The following PCDHGB2 variants were observed in gnomAD, a reference collection of about 807,000 sequenced individuals.
The protein encoded by PCDHGB2 is protocadherin gamma-B2.
Under a neutral mutation model 59.3 loss-of-function variants are expected in PCDHGB2, and 55 were observed. The observed-to-expected ratio is 0.93, with a 90% confidence interval of 0.75 to 1.16. The LOEUF (loss-of-function observed/expected upper bound fraction) is 1.16. PCDHGB2 is among the 50% of genes most tolerant of loss of function. The pLI is 0.00. For missense variants in PCDHGB2, 1,228 were observed against 1,198.5 expected, an observed-to-expected ratio of 1.02 and a Z score of -0.36; for synonymous variants, 516 against 512.0, an observed-to-expected ratio of 1.01 and a Z score of -0.11.
rs781346812 is a variant in PCDHGB2, at chr5:141,489,773, T to A, written c.2422-5034T>A. 6.2e-7 allele frequency: 1 copy of A among 1,614,102 alleles called. No individual in the cohort carries two copies. The highest frequency in any genetic ancestry group is 8.5e-7 in the Non-Finnish European group (1 of 1,179,984). ...TACACTCTAAGCCCCAACAGCCACT[T>A]CTCTCTGAATGTGAAGACCCTAAAA... is the stretch of plus-strand genomic sequence containing the variant. On this transcript the variant is annotated intron_variant, in intron 1 of 3. Transcript: ENST00000522605. The surrounding 1 kb of genome is among the most constrained non-coding windows in gnomAD (Gnocchi z 4.5).
intron 1 of PCDHGB2, chr5:141,384,690 T>C (rs368242169): frequency 4.7e-5 from 76 of 1,613,884 alleles, no homozygotes; most frequent in Non-Finnish European, 5.9e-5. Context: ...TGGACAAAGA[T>C]TCAGGCCAGA....
chr5:141,374,727 T>A (rs1169090117), intron 1 of PCDHGB2: 2 of 1,610,538 alleles, frequency 1.2e-6, no homozygotes, highest in Non-Finnish European at 1.7e-6. Flanking sequence ...CTTACTGCCA[T>A]GGATGGCGGC....
At chr5:141,415,740 G>GTTTTTTTTTTTTTTTTTTGTTTTTTTTT in intron 1 of PCDHGB2, 1 of 617,992 alleles carries the variant, frequency 1.6e-6, no homozygotes, top group Non-Finnish European at 2.1e-6. Flanking sequence ...GTTTATTAAG[G>GTTTTTTTTTTTTTTTTTTGTTTTTTTTT]TTTTTTTTTT....
In PCDHGB2 at chr5:141,454,796, A is replaced by ATTTTTTTTTTTTTTTTTTTTT. The variant is rs61612330; in HGVS notation, c.2422-40002_2422-39982dup. Reference sequence around the variant, plus strand: ...AAGGAAATAATCCTCCATGGTTCTAATTTTTTTTTTTTTTTTTTTTTTTTT... The same window carrying ATTTTTTTTTTTTTTTTTTTTT: ...AAGGAAATAATCCTCCATGGTTCTAATTTTTTTTTTTTTTTTTTTTTTTTTTTTTTTTTTTTTTTTTTTTTT... On this transcript the variant is annotated intron_variant, in intron 1 of 3. Transcript: ENST00000522605. Among the ~76,000 whole-genome samples, 10 of 77,454 alleles carry ATTTTTTTTTTTTTTTTTTTTT rather than the reference A, an allele frequency of 1.3e-4. 1 individual carries two copies. Among genetic ancestry groups the ATTTTTTTTTTTTTTTTTTTTT allele is most frequent in the Non-Finnish European group, 1.9e-4 (8 of 42,810 alleles). The allele number at this position is 77,454 out of a possible 152,430, so 50.8% of individuals were successfully genotyped here. A position where few individuals can be genotyped will look rare whatever the true frequency, so the allele number is the denominator to read the frequency against.
chr5:141,367,922 CAACTT>C (rs974333677), intron 1 of PCDHGB2: 11 of 152,168 alleles, frequency 7.2e-5, no homozygotes, highest in East Asian at 1.9e-4. Flanking sequence ...AAAAAGAACT[CAACTT>C]AAAGATGGTT....
rs1030462993 is a variant in PCDHGB2 at position 141,367,932 on chromosome 5, A to G, written c.2421+5376A>G. On this transcript the variant is annotated intron_variant, in intron 1 of 3. Coordinates refer to ENST00000522605, the MANE Select transcript of PCDHGB2 (RefSeq NM_018923.3). Reference sequence around the variant, plus strand: ...GAAAAAAAAAGAACTCAACTTAAAGATGGTTCAAAATTTTAAATTTCATAT... The same window carrying G: ...GAAAAAAAAAGAACTCAACTTAAAGGTGGTTCAAAATTTTAAATTTCATAT... 103 of 152,212 alleles carry G rather than the reference A, an allele frequency of 6.8e-4. 1 individual carries two copies. The highest frequency in any genetic ancestry group is 2.4e-3 in the African/African-American group (101 of 41,450). The allele number at this position is 152,212 out of a possible 1,614,324, so 9.4% of individuals were successfully genotyped here.
rs994324285 is a variant in PCDHGB2 at position 141,455,094 on chromosome 5, G to A, written c.2422-39713G>A. Among the ~76,000 whole-genome samples the A allele has an allele frequency of 3.3e-5, 5 of 152,104 alleles. No individual in the cohort carries two copies. In the Middle Eastern group the frequency reaches 0.014, roughly 414 times the overall value. ...CCCAAAGTGCTGGGATTACAGGCTT[G>A]AGCCACTGCGCCCGGTGGGTCTAAT... On this transcript the variant is annotated intron_variant, in intron 1 of 3. Coordinates refer to ENST00000522605, the MANE Select transcript of PCDHGB2 (RefSeq NM_018923.3).
At chr5:141,438,248 C>A (rs1370527448) in intron 1 of PCDHGB2, among the ~76,000 whole-genome samples, 1 of 151,970 alleles carries the variant, frequency 6.6e-6, no homozygotes, top group Non-Finnish European at 1.5e-5. Flanking sequence ...AAAAAACTGT[C>A]ATTGAAGAGA....
Position 141,489,267 on chromosome 5 carries a change from C to G in PCDHGB2, c.2422-5540C>G. 6.4e-7 allele frequency: 1 copy of G among 1,553,302 alleles called. No homozygotes were observed. Among genetic ancestry groups the G allele is most frequent in the Non-Finnish European group, 8.7e-7 (1 of 1,149,864 alleles). The stretch of plus-strand genomic sequence containing the variant: ...TGGGGCCCAAGACACTCCCACAGCT[C>G]GCTGGGAAATGGCAAGTGCTGTGCA... On this transcript the variant is annotated intron_variant, in intron 1 of 3. Coordinates refer to ENST00000522605, the MANE Select transcript of PCDHGB2 (RefSeq NM_018923.3). The surrounding 1 kb of genome is among the most constrained non-coding windows in gnomAD (Gnocchi z 4.5).
intron 1 of PCDHGB2, chr5:141,415,444 T>A (rs770800491): frequency 1.9e-6 from 3 of 1,614,184 alleles, no homozygotes; most frequent in Non-Finnish European, 2.5e-6. Context: ...CCTGCAGACC[T>A]ATTCCCACGA....
At position 141,489,969 on chromosome 5, in the gene PCDHGB2, A is replaced by C. The variant is rs746202385; in HGVS notation, c.2422-4838A>C. On this transcript the variant is annotated intron_variant, in intron 1 of 3. Coordinates refer to ENST00000522605, the MANE Select transcript of PCDHGB2 (RefSeq NM_018923.3). This position sits in a 1 kb window ranked among gnomAD's most constrained non-coding sequence, Gnocchi z 4.5. The stretch of plus-strand genomic sequence containing the variant: ...TCAATGATAATGCTCCAACCTTCCA[A>C]TCCTCAGTTCTACGTGTGGGAATCC... 4 of 1,614,008 alleles carry C rather than the reference A, an allele frequency of 2.5e-6. No individual in the cohort carries two copies.
In PCDHGB2 at chr5:141,408,282, C is replaced by A. The variant is rs1045626164; in HGVS notation, c.2421+45726C>A. On this transcript the variant is annotated intron_variant, in intron 1 of 3. Transcript: ENST00000522605. ...CCTTTGCTGCTGCCTTTGTTCTACC[C>A]CACCCTGAGTGAGCCGATCCGCTAC... The A allele has an allele frequency of 5.0e-6, 8 of 1,612,846 alleles. No individual in the cohort carries two copies. The African/African-American group carries it at 1.1e-4, about 22-fold the overall frequency.
At position 141,421,681 on chromosome 5, in the gene PCDHGB2, C is replaced by T. The variant is rs750692137; in HGVS notation, c.2421+59125C>T. 4 of 1,613,858 alleles carry T rather than the reference C, an allele frequency of 2.5e-6. No homozygotes were observed. In the South Asian group the frequency reaches 4.4e-5, roughly 18 times the overall value. Reference sequence around the variant, plus strand: ...CAGTGAGCACGCAATTCCTGGGGCGCGATTTGCTCTTCCTAATGCTAGGGA... The same window carrying T: ...CAGTGAGCACGCAATTCCTGGGGCGTGATTTGCTCTTCCTAATGCTAGGGA... On this transcript the variant is annotated intron_variant, in intron 1 of 3. Coordinates refer to ENST00000522605, the MANE Select transcript of PCDHGB2 (RefSeq NM_018923.3).
At chr5:141,413,086 A>T in intron 1 of PCDHGB2, 1 of 1,344,152 alleles carries the variant, frequency 7.4e-7, no homozygotes, top group Non-Finnish European at 1.0e-6. Flanking sequence ...GGCTACAGAG[A>T]CACCCTGAAG....
Position 141,477,098 on chromosome 5 carries a change from G to A in PCDHGB2, c.2422-17709G>A, listed in dbSNP as rs1562059777. 1.9e-6 allele frequency: 3 copies of A among 1,614,124 alleles called. No individual in the cohort carries two copies. The highest frequency in any genetic ancestry group is 3.3e-5 in the Admixed American group (2 of 60,008). The stretch of plus-strand genomic sequence containing the variant: ...GATTTACATCCAGGCCAAAGACAAG[G>A]GCGCCAATCCCGAAGGAGCACATTG... On this transcript the variant is annotated intron_variant, in intron 1 of 3. Coordinates refer to ENST00000522605, the MANE Select transcript of PCDHGB2 (RefSeq NM_018923.3). This position sits in a 1 kb window ranked among gnomAD's most constrained non-coding sequence, Gnocchi z 4.9.
intron 1 of PCDHGB2, chr5:141,374,245 G>C: frequency 2.5e-6 from 4 of 1,613,980 alleles, no homozygotes; most frequent in Non-Finnish European, 3.4e-6. Flanking sequence ...ATCTGGGACT[G>C]GAGCCCCAGG....
chr5:141,385,212 C>T, intron 1 of PCDHGB2: 1 of 1,614,230 alleles, frequency 6.2e-7, no homozygotes, highest in Non-Finnish European at 8.5e-7. Context: ...TGATCTTCCC[C>T]CAGCCCAACT....
intron 1 of PCDHGB2, chr5:141,403,280 G>GT: frequency 6.2e-7 from 1 of 1,613,894 alleles, no homozygotes; most frequent in Non-Finnish European, 8.5e-7. Flanking sequence ...TAAAGTCCTG[G>GT]TTGAAGACAG....
rs1267535064 is a variant in PCDHGB2, at chr5:141,395,542, T to TTGTTTGTG, written c.2421+32989_2421+32990insTTGTGTGT. On this transcript the variant is annotated intron_variant, in intron 1 of 3. Coordinates refer to ENST00000522605, the MANE Select transcript of PCDHGB2 (RefSeq NM_018923.3). Reference sequence around the variant, plus strand: ...TCCATACTGGTAATTTTGCTATTGTTTGTGTGTGTGTGTGTGTGTGTGTGT... The same window carrying TTGTTTGTG: ...TCCATACTGGTAATTTTGCTATTGTTTGTTTGTGTGTGTGTGTGTGTGTGTGTGTGTGT... 308 of 172,612 alleles carry TTGTTTGTG rather than the reference T, an allele frequency of 1.8e-3. 2 individuals are homozygous for TTGTTTGTG. Among genetic ancestry groups the TTGTTTGTG allele is most frequent in the African/African-American group, 0.017 (292 of 17,534 alleles). The allele number at this position is 172,612 out of a possible 1,614,324, so 10.7% of individuals were successfully genotyped here.
Sources: gnomAD v4.1 joint callset for allele counts (sites outside exome capture counted in the v4.1 genomes callset) on GRCh38, gnomAD v4.1.1 for gene constraint, Gnocchi (gnomAD v3.1) non-coding constraint, MANE v1.5 for transcripts, NCBI Gene and HGNC (gene_info 2026-07-23, HGNC 2026-07-21) for gene names.